The following H3-7 variants were observed in gnomAD, a reference collection of about 807,000 sequenced individuals.
H3-7 encodes histone H3-7.
chr1:143,903,322 C>T, the H3-7 span, among the ~76,000 whole-genome samples: 1 of 81,540 alleles, frequency 1.2e-5, no homozygotes. Context: ...ATGAAGTGCT[C>T]AGCTTTCACC....
At chr1:143,904,851 C>T in the H3-7 span, among the ~76,000 whole-genome samples, 1 of 145,660 alleles carries the variant, frequency 6.9e-6, no homozygotes, top group East Asian at 2.1e-4. Flanking sequence ...GTCCATTTCA[C>T]ACTAACCAGT....
At chr1:143,903,919 C>CTCCT in the H3-7 span, among the ~76,000 whole-genome samples, 1 of 145,952 alleles carries the variant, frequency 6.9e-6, no homozygotes, top group South Asian at 2.3e-4. Context: ...CACCCCCCGC[C>CTCCT]TCCTTCCCTC....
At chr1:143,905,507 G>A in the H3-7 span, 4 of 1,319,958 alleles carry the variant, frequency 3.0e-6, 1 homozygote, top group African/African-American at 4.3e-5. Flanking sequence ...TGATGAAAAC[G>A]GCAGTGGCTC....
At chr1:143,902,920 C>T in the H3-7 span, among the ~76,000 whole-genome samples, 24 of 142,050 alleles carry the variant, frequency 1.7e-4, 3 homozygotes, top group Non-Finnish European at 2.8e-4. Flanking sequence ...AGGCCGGGCG[C>T]GGTGGCTCAC....
At chr1:143,904,601 C>T in the H3-7 span, 1 of 1,585,406 alleles carries the variant, frequency 6.3e-7, no homozygotes, top group Non-Finnish European at 8.6e-7. Context: ...CTGGATCCGG[C>T]ATTTTTGCGC....
the H3-7 span, chr1:143,904,285 G>C: frequency 1.3e-6 from 2 of 1,586,128 alleles, no homozygotes; most frequent in Non-Finnish European, 1.7e-6. Flanking sequence ...TGCTTGGCCA[G>C]CTCGCCGGGC....
chr1:143,905,514 G>T, the H3-7 span: 1 of 1,395,474 alleles, frequency 7.2e-7, no homozygotes, highest in East Asian at 2.4e-5. Flanking sequence ...AACGGCAGTG[G>T]CTCTGAAAAG....
chr1:143,904,309 C>A, the H3-7 span: 860 of 1,582,932 alleles, frequency 5.4e-4, 51 homozygotes, highest in African/African-American at 0.011. Context: ...AGCAGGCGCA[C>A]GGCCGTCTGG....
the H3-7 span, among the ~76,000 whole-genome samples, chr1:143,902,797 C>T: frequency 4.1e-5 from 6 of 144,884 alleles, no homozygotes; most frequent in East Asian, 8.2e-4. Context: ...CCTATTAAAA[C>T]ATCCACACTC....
chr1:143,905,945 C>A, the H3-7 span: 8 of 1,580,102 alleles, frequency 5.1e-6, 1 homozygote, highest in Middle Eastern at 5.4e-4. Context: ...GACTTGCGGG[C>A]AGTCTGCTTA....
chr1:143,902,400 T>C, the H3-7 span, among the ~76,000 whole-genome samples: 61 of 147,300 alleles, frequency 4.1e-4, 3 homozygotes, highest in East Asian at 0.011. Flanking sequence ...ATTTTATATC[T>C]TTTAATTGGG....
chr1:143,904,219 A>G, the H3-7 span: 3 of 1,556,508 alleles, frequency 1.9e-6, no homozygotes, highest in Admixed American at 1.7e-5. Flanking sequence ...TCCCTTGCAC[A>G]CTCTTACTTC....
the H3-7 span, chr1:143,904,345 G>C: frequency 1.8e-5 from 28 of 1,582,694 alleles, 2 homozygotes; most frequent in Non-Finnish European, 2.3e-5. Context: ...ATGGTGGAGC[G>C]CTTGTTGTAG....
chr1:143,904,448 G>T, the H3-7 span: 3 of 1,588,802 alleles, frequency 1.9e-6, no homozygotes, highest in Middle Eastern at 3.3e-4. Context: ...AGATGCCGGT[G>T]TCGGGGTGGA....
the H3-7 span, chr1:143,904,433 G>C: frequency 1.1e-4 from 171 of 1,583,166 alleles, 9 homozygotes; most frequent in Non-Finnish European, 1.4e-4. Flanking sequence ...CCATGGTCTT[G>C]GACGAGATGC....
the H3-7 span, chr1:143,904,487 G>C: frequency 4.4e-6 from 7 of 1,602,860 alleles, no homozygotes; most frequent in African/African-American, 8.0e-5. Context: ...ACACGTAAAC[G>C]GAGTAGCTCT....
At chr1:143,904,216 C>T in the H3-7 span, 14 of 1,548,940 alleles carry the variant, frequency 9.0e-6, no homozygotes, top group African/African-American at 1.6e-4. Context: ...GCGTCCCTTG[C>T]ACACTCTTAC....
At chr1:143,903,947 C>CGCGTCAATAT in the H3-7 span, among the ~76,000 whole-genome samples, 29 of 146,742 alleles carry the variant, frequency 2.0e-4, 2 homozygotes, top group African/African-American at 6.7e-4. Context: ...CCCAAATATC[C>CGCGTCAATAT]CAGAACGAGT....
chr1:143,904,400 G>A, the H3-7 span: 7 of 1,582,906 alleles, frequency 4.4e-6, 1 homozygote, highest in East Asian at 6.8e-5. Context: ...CGAAGATGTC[G>A]TTGACGAAGG....
Sources: allele counts gnomAD v4.1 joint callset (sites outside exome capture counted in the v4.1 genomes callset), GRCh38; gene constraint gnomAD v4.1.1; transcripts MANE v1.5; gene names NCBI Gene and HGNC (gene_info 2026-07-23, HGNC 2026-07-21).